The following BCL2L13 variants were observed in gnomAD, a reference collection of about 807,000 sequenced individuals.
BCL2L13 encodes the protein BCL2 like 13, also known as bcl-2-like protein 13.
In BCL2L13, 13 loss-of-function variants were observed where a neutral mutation model predicts 25.8. The ratio of observed to expected loss-of-function variants is 0.50; its 90% CI spans 0.33 to 0.80. The LOEUF is 0.80. Among genes scored for constraint, BCL2L13 ranks in the 30% least tolerant of loss-of-function variants. BCL2L13 has a pLI of 0.02. For synonymous variants in BCL2L13, 244 were observed against 230.3 expected (o/e 1.06, Z -0.54); for missense variants, 504 against 574.9 (o/e 0.88, Z 1.26).
intron 5 of BCL2L13, among the ~76,000 whole-genome samples, chr22:17,700,162 A>G (rs918319358): frequency 2.6e-5 from 4 of 152,188 alleles, no homozygotes; most frequent in Non-Finnish European, 5.9e-5. Context: ...GGAATAGGGA[A>G]GATCCAGAAA....
intron 5 of BCL2L13, among the ~76,000 whole-genome samples, chr22:17,700,237 A>G (rs945851977): frequency 4.6e-5 from 7 of 152,208 alleles, no homozygotes; most frequent in Admixed American, 4.6e-4. Flanking sequence ...TATGAAAAAC[A>G]GAATAAGAGA....
chr22:17,637,507 T>A (rs1031669675), upstream of BCL2L13, among the ~76,000 whole-genome samples: 3 of 151,664 alleles, frequency 2.0e-5, no homozygotes, highest in African/African-American at 7.3e-5. Context: ...CCCAAGTAGC[T>A]GGGATTACAG....
At chr22:17,692,744 A>G (rs1484087898) in intron 4 of BCL2L13, among the ~76,000 whole-genome samples, 2 of 152,244 alleles carry the variant, frequency 1.3e-5, no homozygotes, top group African/African-American at 4.8e-5. Flanking sequence ...TTTCTGAAAT[A>G]TCTAGACCAG....
At chr22:17,646,981 T>A (rs12172425) in intron 1 of BCL2L13, among the ~76,000 whole-genome samples, 1 of 108,576 alleles carries the variant, frequency 9.2e-6, no homozygotes, top group African/African-American at 3.5e-5. Context: ...TTTTTTTTTC[T>A]TTTTCTTTTT....
rs764496361 is a variant in BCL2L13 at position 17,728,554 on chromosome 22, T to G, written c.*1020T>G. 1 of 152,226 alleles carries G rather than the reference T, an allele frequency of 6.6e-6. No individual in the cohort carries two copies. Among genetic ancestry groups the G allele is most frequent in the African/African-American group, 2.4e-5 (1 of 41,460 alleles). The allele number at this position is 152,226 out of a possible 1,614,324, so 9.4% of individuals were successfully genotyped here. A position where few individuals can be genotyped will look rare whatever the true frequency, so the allele number is the denominator to read the frequency against. ...GTCCCTGTCTATAACCTTGGGCTAG[T>G]ATATTTTTTCCAATATGGGACCTTA... On this transcript the variant is annotated 3_prime_UTR_variant, in exon 7 of 7. Coordinates refer to ENST00000317582, the MANE Select transcript of BCL2L13 (RefSeq NM_015367.4).
intron 5 of BCL2L13, 77 bp from the exon 6 acceptor site, chr22:17,702,166 T>A: frequency 3.6e-6 from 4 of 1,111,072 alleles, no homozygotes; most frequent in Non-Finnish European, 5.1e-6. Context: ...TAAATATAAT[T>A]TTCTAGTAGT....
At chr22:17,723,372 T>A (rs577548850) in intron 6 of BCL2L13, among the ~76,000 whole-genome samples, 1 of 152,344 alleles carries the variant, frequency 6.6e-6, no homozygotes, top group East Asian at 1.9e-4. Context: ...GATTTTACTT[T>A]ACAGTTTTGT....
chr22:17,724,662 T>G lies in BCL2L13; in HGVS notation c.601-2015T>G, dbSNP rs182363704. ...GATGTATGTAGAAAGTTTTTGGTTT[T>G]GGTTGAAGAATGAAATTATCCTACT... On this transcript the variant is annotated intron_variant, in intron 6 of 6. Coordinates refer to ENST00000317582, the MANE Select transcript of BCL2L13 (RefSeq NM_015367.4). Among the ~76,000 whole-genome samples the G allele has an allele frequency of 5.2e-4, 79 of 152,362 alleles. 2 individuals are homozygous for G. The highest frequency in any genetic ancestry group is 1.8e-3 in the African/African-American group (74 of 41,586).
intron 1 of BCL2L13, among the ~76,000 whole-genome samples, chr22:17,650,345 A>G (rs2058641849): frequency 1.3e-5 from 2 of 152,082 alleles, no homozygotes; most frequent in Admixed American, 1.3e-4. Context: ...TCATCTTTTG[A>G]CTACCCCTTA....
chr22:17,681,498 G>GA (rs58442419), intron 2 of BCL2L13, among the ~76,000 whole-genome samples: 9,014 of 134,880 alleles, frequency 0.067, 466 homozygotes, highest in African/African-American at 0.15. Flanking sequence ...GACTCCGTCT[G>GA]AAAAAAAAAA....
intron 2 of BCL2L13, among the ~76,000 whole-genome samples, chr22:17,666,000 C>T (rs984518502): frequency 6.6e-6 from 1 of 151,958 alleles, no homozygotes; most frequent in Admixed American, 6.6e-5. Flanking sequence ...GCTGCTGGGT[C>T]GTATGGTGAA....
chr22:17,697,103 T>C (rs893591783), intron 5 of BCL2L13, among the ~76,000 whole-genome samples: 1 of 151,740 alleles, frequency 6.6e-6, no homozygotes, highest in African/African-American at 2.4e-5. Flanking sequence ...AGCTTTGCCA[T>C]GGACTGGATA....
intron 1 of BCL2L13, among the ~76,000 whole-genome samples, chr22:17,650,789 C>T (rs2058656195): frequency 1.3e-5 from 2 of 151,920 alleles, no homozygotes; most frequent in African/African-American, 4.8e-5. Flanking sequence ...CTCACTGCAG[C>T]CTCAACTTCC....
intron 6 of BCL2L13, among the ~76,000 whole-genome samples, chr22:17,722,820 A>G (rs567266862): frequency 1.3e-5 from 2 of 152,330 alleles, no homozygotes; most frequent in African/African-American, 4.8e-5. Flanking sequence ...TTTCCAATCT[A>G]TGAGCATGAT....
chr22:17,657,647 G>A (rs1216989281), intron 2 of BCL2L13, among the ~76,000 whole-genome samples: 1 of 151,896 alleles, frequency 6.6e-6, no homozygotes, highest in Non-Finnish European at 1.5e-5. Flanking sequence ...GAGTAGCTGG[G>A]ACTAGAGGCA....
At chr22:17,630,411 C>G (rs571412360) in intron 1 of BCL2L13, among the ~76,000 whole-genome samples, 1 of 151,350 alleles carries the variant, frequency 6.6e-6, no homozygotes, top group Non-Finnish European at 1.5e-5. Context: ...TCCCAAGCAG[C>G]TGGGATTACA....
intron 3 of BCL2L13, among the ~76,000 whole-genome samples, chr22:17,688,554 C>G (rs1295549822): frequency 1.3e-5 from 2 of 152,130 alleles, no homozygotes; most frequent in African/African-American, 4.8e-5. Flanking sequence ...TATAACATGT[C>G]AGTTTAGTTG....
intron 2 of BCL2L13, 85 bp downstream of exon 2, chr22:17,655,917 G>T: frequency 7.5e-7 from 1 of 1,340,036 alleles, no homozygotes; most frequent in Non-Finnish European, 1.0e-6. Flanking sequence ...TTATATGTGT[G>T]GTTATCAAAT....
intron 2 of BCL2L13, among the ~76,000 whole-genome samples, chr22:17,674,135 G>A (rs76001287): frequency 0.011 from 1,650 of 152,250 alleles, 25 homozygotes; most frequent in African/African-American, 0.037. Flanking sequence ...CAGACTAAAT[G>A]TATAAATGTT....
Sources: allele counts gnomAD v4.1 joint callset (sites outside exome capture counted in the v4.1 genomes callset), GRCh38; gene constraint gnomAD v4.1.1; transcripts MANE v1.5; gene names NCBI Gene and HGNC (gene_info 2026-07-23, HGNC 2026-07-21).